PRPF3: variants seen among roughly 807,000 people sequenced by gnomAD.
The protein encoded by PRPF3 is pre-mRNA processing factor 3.
Under a neutral mutation model 89.2 loss-of-function variants are expected in PRPF3, and 3 were observed. The ratio of observed to expected loss-of-function variants is 0.03; its 90% CI spans 0.02 to 0.09. PRPF3 has a LOEUF of 0.09. Among genes scored for constraint, PRPF3 ranks in the 10% least tolerant of loss-of-function variants. The pLI is 1.00. For missense variants in PRPF3, 463 were observed against 828.8 expected (o/e 0.56, Z 5.42); for synonymous variants, 270 against 289.1 (o/e 0.93, Z 0.67).
At chr1:150,324,684 A>T (rs1215428443) in intron 1 of PRPF3, among the ~76,000 whole-genome samples, 1 of 151,818 alleles carries the variant, frequency 6.6e-6, no homozygotes, top group Non-Finnish European at 1.5e-5. Flanking sequence ...AGCTGGGATT[A>T]CAGGCACATG....
In PRPF3 at chr1:150,333,223, C is replaced by A. The variant is rs782508493; in HGVS notation, c.728+24C>A. The A allele has an allele frequency of 3.7e-6, 6 of 1,608,126 alleles. No individual in the cohort carries two copies. In the Admixed American group the frequency reaches 1.0e-4, roughly 27 times the overall value. Reference sequence around the variant, plus strand: ...CCGTGAGTGTCTATTTCATGGAATACCTTTTCATTTCTGAAGTTTGAGAAG... The same window carrying A: ...CCGTGAGTGTCTATTTCATGGAATAACTTTTCATTTCTGAAGTTTGAGAAG... On this transcript the variant is annotated intron_variant, in intron 6 of 15. Transcript: ENST00000324862.
intron 9 of PRPF3, among the ~76,000 whole-genome samples, chr1:150,342,477 G>C (rs1657856369): frequency 6.6e-6 from 1 of 151,768 alleles, no homozygotes; most frequent in Non-Finnish European, 1.5e-5. Context: ...TTATTAACGA[G>C]TTTTCTTCAT....
At chr1:150,328,487 A>G (rs1553864448) in intron 4 of PRPF3, 21 bp downstream of exon 4, 1 of 1,610,148 alleles carries the variant, frequency 6.2e-7, no homozygotes, top group East Asian at 2.2e-5. Flanking sequence ...AGGGACTGGA[A>G]GCAAAGTGGT....
chr1:150,324,715 T>C (rs1553863194), intron 1 of PRPF3, among the ~76,000 whole-genome samples, 180 bp from the exon 2 acceptor site: 4 of 152,082 alleles, frequency 2.6e-5, no homozygotes, highest in Non-Finnish European at 5.9e-5. Flanking sequence ...CAGCTAATTT[T>C]TTTGTATTTT....
intron 8 of PRPF3, 46 bp downstream of exon 8, chr1:150,338,372 C>G (rs1377332988): frequency 2.5e-6 from 4 of 1,574,692 alleles, no homozygotes; most frequent in Non-Finnish European, 3.5e-6. Context: ...TTTTAATCAG[C>G]TGAGTTTAAG....
At chr1:150,335,908 G>T (rs1358613838) in intron 7 of PRPF3, among the ~76,000 whole-genome samples, 1 of 151,906 alleles carries the variant, frequency 6.6e-6, no homozygotes, top group African/African-American at 2.4e-5. Context: ...AGCTGGGACT[G>T]CAGGCATGCG....
Position 150,325,032 on chromosome 1 carries a change from G to A in PRPF3, c.90G>A (p.Val30=). ...KRVLGFSEPT[V]VTAALNCVGK... is the part of the protein sequence containing the mutation. ...TCCTGGGTTTCTCAGAGCCTACGGT[G>A]GTCACAGCAGCATTGAACTGTGTGG... The change falls in exon 2 of 16, where the codon GTG becomes GTA. Residue 30 remains valine (V), a synonymous_variant. Transcript: ENST00000324862. 1 of 1,613,962 alleles carries A rather than the reference G, an allele frequency of 6.2e-7. No homozygotes were observed. The highest frequency in any genetic ancestry group is 8.5e-7 in the Non-Finnish European group (1 of 1,179,958).
chr1:150,331,303 T>C (rs1388759160), intron 4 of PRPF3, among the ~76,000 whole-genome samples: 3 of 151,958 alleles, frequency 2.0e-5, no homozygotes, highest in African/African-American at 7.2e-5. Context: ...TCCCAAAGTA[T>C]TGGGATTACA....
chr1:150,335,385 G>C (rs781855460), intron 7 of PRPF3, 144 bp downstream of exon 7: 23 of 962,312 alleles, frequency 2.4e-5, no homozygotes, highest in Non-Finnish European at 3.6e-5. Context: ...CCAGGGACTT[G>C]TTTCATGGAA....
rs1656614027 is a variant in PRPF3, at chr1:150,333,272, T to C, written c.728+73T>C. Reference sequence around the variant, plus strand: ...AGCAATAAATACCTTTGAATGTTACTGATCTGGCTGGGCGCAGTGCCTCAG... The same window carrying C: ...AGCAATAAATACCTTTGAATGTTACCGATCTGGCTGGGCGCAGTGCCTCAG... On this transcript the variant is annotated intron_variant, in intron 6 of 15. Coordinates refer to ENST00000324862, the MANE Select transcript of PRPF3 (RefSeq NM_004698.4). 5.3e-6 allele frequency: 8 copies of C among 1,513,248 alleles called. No individual in the cohort carries two copies. The Admixed American group carries it at 1.5e-4, about 28-fold the overall frequency. The allele number at this position is 1,513,248 out of a possible 1,614,324, so 93.7% of individuals were successfully genotyped here. A position where few individuals can be genotyped will look rare whatever the true frequency, so the allele number is the denominator to read the frequency against.
At chr1:150,348,042 A>G (rs1658469850) in intron 14 of PRPF3, among the ~76,000 whole-genome samples, 1 of 152,164 alleles carries the variant, frequency 6.6e-6, no homozygotes, top group Non-Finnish European at 1.5e-5. Context: ...TCATACTCCC[A>G]TTAGTGTTCA....
In PRPF3 at chr1:150,352,875, C is replaced by G. The variant is rs1553874719; in HGVS notation, c.1948C>G (p.Gln650Glu). ...GAGCTTTGGAGAGATGAAGTTTAAA[C>G]AGTGTCCTACAGAGAACATGGCTCG... is the stretch of plus-strand genomic sequence containing the variant. ...DRSFGEMKFK[Q>E]CPTENMAREH... Residue 650 changes from glutamine to glutamate, a missense_variant, in exon 16 of 16, where the codon CAG becomes GAG. Transcript: ENST00000324862. The G allele has an allele frequency of 1.9e-6, 3 of 1,614,032 alleles. No homozygotes were observed. In the African/African-American group the frequency reaches 4.0e-5, roughly 22 times the overall value.
At chr1:150,344,763 CTT>C (rs5777721) in intron 12 of PRPF3, among the ~76,000 whole-genome samples, 27 of 149,440 alleles carry the variant, frequency 1.8e-4, no homozygotes, top group Non-Finnish European at 3.1e-4. Context: ...CTCAAGTCTT[CTT>C]TTTTTTTTTA....
chr1:150,337,248 C>T (rs916217538), intron 7 of PRPF3, among the ~76,000 whole-genome samples: 5 of 151,162 alleles, frequency 3.3e-5, no homozygotes, highest in South Asian at 2.1e-4. Flanking sequence ...ACCGTGTTAG[C>T]CAGGATGGTC....
intron 8 of PRPF3, among the ~76,000 whole-genome samples, chr1:150,340,106 A>C (rs1553869858): frequency 6.6e-6 from 1 of 152,060 alleles, no homozygotes. Flanking sequence ...TGTTCCAGGG[A>C]CTTATTGTCA....
At chr1:150,340,323 T>C (rs1553869934) in intron 8 of PRPF3, 75 bp from the exon 9 acceptor site, 1 of 1,133,580 alleles carries the variant, frequency 8.8e-7, no homozygotes, top group East Asian at 2.4e-5. Context: ...GGTTTTTTCA[T>C]TGTATTTCTG....
At position 150,335,238 on chromosome 1, in the gene PRPF3, A is replaced by G. The variant is rs143350315; in HGVS notation, c.1032A>G (p.Thr344=). 3.2e-4 allele frequency: 519 copies of G among 1,613,670 alleles called. 1 individual carries two copies. Among genetic ancestry groups the G allele is most frequent in the Non-Finnish European group, 4.2e-4 (491 of 1,179,600 alleles). ...AGAAGATTGCTCAGCGATTACGGAC[A>G]AAGGTATCTGGCTTAGAGTATAACA... ...KFEKIAQRLR[T]KAQLEKLQAE... is the part of the protein sequence containing the mutation. Residue 344 remains threonine, a synonymous_variant, in exon 7 of 16, where the codon ACA becomes ACG. Coordinates refer to ENST00000324862, the MANE Select transcript of PRPF3 (RefSeq NM_004698.4).
chr1:150,327,012 A>T (rs1193694396), intron 3 of PRPF3, among the ~76,000 whole-genome samples: 1 of 151,048 alleles, frequency 6.6e-6, no homozygotes, highest in Non-Finnish European at 1.5e-5. Context: ...GATCCACAGT[A>T]TACACAGATC....
At chr1:150,336,294 A>G (rs1177460029) in intron 7 of PRPF3, among the ~76,000 whole-genome samples, 1 of 152,088 alleles carries the variant, frequency 6.6e-6, no homozygotes, top group Non-Finnish European at 1.5e-5. Flanking sequence ...TGAGAATCTC[A>G]TGCCACCGAT....
Sources: allele counts gnomAD v4.1 joint callset (sites outside exome capture counted in the v4.1 genomes callset), GRCh38; gene constraint gnomAD v4.1.1; transcripts MANE v1.5; gene names NCBI Gene and HGNC (gene_info 2026-07-23, HGNC 2026-07-21).